The following TRIO variants were observed in gnomAD, a reference collection of about 807,000 sequenced individuals.
TRIO encodes the protein triple functional domain protein.
A neutral mutation model predicts 351.9 loss-of-function variants in TRIO; 58 were observed. The ratio of observed to expected loss-of-function variants is 0.16; its 90% CI spans 0.13 to 0.21. The LOEUF (loss-of-function observed/expected upper bound fraction) is 0.21, where lower values mean the gene tolerates loss of function less well. TRIO is among the 10% of genes least tolerant of loss of function. The pLI is 1.00. For missense variants in TRIO, 3,201 were observed against 4,027.8 expected (o/e 0.79, Z 5.56); for synonymous variants, 1,758 against 1,595.7 (o/e 1.10, Z -2.42).
In TRIO at chr5:14,367,058, G is replaced by T; in HGVS notation, c.2874+79G>T. 1.9e-6 allele frequency: 3 copies of T among 1,578,120 alleles called. No homozygotes were observed. The South Asian group carries it at 3.5e-5, about 18-fold the overall frequency. On this transcript the variant is annotated intron_variant, in intron 16 of 56. Transcript: ENST00000344204. ...ATCCTGAATCCCCCAACATGGCACT[G>T]ACCATGGGAACCACATGGGGCTGGC...
At chr5:14,358,401 TCCC>T (rs1366035969) in intron 12 of TRIO, 54 bp downstream of exon 12, 6 of 1,590,342 alleles carry the variant, frequency 3.8e-6, no homozygotes, top group Non-Finnish European at 5.2e-6. Flanking sequence ...TGCCTGTGAC[TCCC>T]CTTCCCCTTT....
chr5:14,210,967 C>T (rs542700244), intron 1 of TRIO, among the ~76,000 whole-genome samples: 419 of 152,186 alleles, frequency 2.8e-3, no homozygotes, highest in Middle Eastern at 0.017. Context: ...CACTCCTGCC[C>T]TTGTAAGTTT....
Position 14,361,407 on chromosome 5 carries a change from C to A in TRIO, c.2391+1876C>A, listed in dbSNP as rs76954848. Among the ~76,000 whole-genome samples, 839 of 152,284 alleles carry A rather than the reference C, an allele frequency of 5.5e-3. 6 individuals are homozygous for A. The highest frequency in any genetic ancestry group is 0.018 in the African/African-American group (752 of 41,548). ...CTCATCCTGAGCAGAGGAAGCTGTA[C>A]CTGCAGCCCAGTCTCAGGCCAGCTT... On this transcript the variant is annotated intron_variant, in intron 13 of 56. Transcript: ENST00000344204.
chr5:14,183,919 TAAA>T lies in TRIO; in HGVS notation c.157+40041_157+40043del, dbSNP rs1202209464. 9 of 696,456 alleles carry T rather than the reference TAAA, an allele frequency of 1.3e-5. No individual in the cohort carries two copies. The Middle Eastern group carries it at 1.4e-3, about 107-fold the overall frequency. The allele number at this position is 696,456 out of a possible 1,614,324, so 43.1% of individuals were successfully genotyped here. The stretch of plus-strand genomic sequence containing the variant: ...TTTTATTTTCGTGGTAACCGTTTTT[TAAA>T]AAAGATTAATAAATTACCCAAGAGG... On this transcript the variant is annotated intron_variant, in intron 1 of 56. Coordinates refer to ENST00000344204, the MANE Select transcript of TRIO (RefSeq NM_007118.4).
intron 9 of TRIO, among the ~76,000 whole-genome samples, chr5:14,322,213 A>G (rs1243134403): frequency 1.3e-5 from 2 of 152,238 alleles, no homozygotes; most frequent in Non-Finnish European, 2.9e-5. Flanking sequence ...AATTTAAGGA[A>G]TTCCCCAATT....
chr5:14,181,089 AT>A (rs35461923), intron 1 of TRIO, among the ~76,000 whole-genome samples: 2 of 148,982 alleles, frequency 1.3e-5, no homozygotes, highest in Non-Finnish European at 1.5e-5. Flanking sequence ...ACTACAATGT[AT>A]TTTTTTTTGT....
Position 14,169,957 on chromosome 5 carries a change from T to A in TRIO, c.157+26075T>A, listed in dbSNP as rs562313817. Reference sequence around the variant, plus strand: ...TAGTTTTCATAGGCAAAGGAGACAGTCTTTTAGAAAAGTGGTGTTCCAGGT... The same window carrying A: ...TAGTTTTCATAGGCAAAGGAGACAGACTTTTAGAAAAGTGGTGTTCCAGGT... On this transcript the variant is annotated intron_variant, in intron 1 of 56. Transcript: ENST00000344204. Among the ~76,000 whole-genome samples the A allele has an allele frequency of 7.2e-5, 11 of 152,290 alleles. 1 individual carries two copies. The South Asian group carries it at 1.5e-3, about 20-fold the overall frequency.
intron 3 of TRIO, among the ~76,000 whole-genome samples, chr5:14,285,249 C>T (rs1404263106): frequency 6.6e-6 from 1 of 152,138 alleles, no homozygotes; most frequent in Non-Finnish European, 1.5e-5. Context: ...AGAAGTTCAT[C>T]ACATCGTTCC....
At position 14,509,726 on chromosome 5, in the gene TRIO, C is replaced by T; in HGVS notation, c.*1304C>T. ...CGGCTGGTACCCAATGCCCGAGTCA[C>T]TGTGGCAGCATTCGCACTGGTGTGG... On this transcript the variant is annotated 3_prime_UTR_variant, in exon 57 of 57. Transcript: ENST00000344204. The T allele has an allele frequency of 3.2e-6, 1 of 316,484 alleles. No individual in the cohort carries two copies. 19.6% of individuals were successfully genotyped at this position (316,484 alleles called of 1,614,324 possible).
intron 34 of TRIO, among the ~76,000 whole-genome samples, chr5:14,459,501 GTGTGCGAGT>G (rs1163253934): frequency 1.3e-5 from 2 of 152,234 alleles, no homozygotes; most frequent in African/African-American, 2.4e-5. Flanking sequence ...ACGCTCACTG[GTGTGCGAGT>G]TGTACAGTAG....
At chr5:14,436,276 A>G (rs759575951) in intron 34 of TRIO, among the ~76,000 whole-genome samples, 5 of 151,354 alleles carry the variant, frequency 3.3e-5, no homozygotes, top group Non-Finnish European at 5.9e-5. Flanking sequence ...GTGTAGGGGA[A>G]CTCCTCTTTG....
chr5:14,471,216 A>G (rs1444826386), intron 37 of TRIO, 102 bp from the exon 38 acceptor site: 1 of 1,351,538 alleles, frequency 7.4e-7, no homozygotes, highest in African/African-American at 1.5e-5. Context: ...TTTCACAAAT[A>G]CATTTTCTGT....
At chr5:14,366,709 T>C (rs1476476207) in intron 15 of TRIO, 151 bp from the exon 16 acceptor site, 6 of 1,112,166 alleles carry the variant, frequency 5.4e-6, no homozygotes, top group African/African-American at 1.6e-5. Flanking sequence ...AACATCAGGC[T>C]GTTGCCTGGA....
intron 55 of TRIO, among the ~76,000 whole-genome samples, chr5:14,506,729 G>A (rs1314843252): frequency 2.0e-5 from 3 of 151,666 alleles, no homozygotes; most frequent in African/African-American, 2.4e-5. Flanking sequence ...GAGTCTTCCC[G>A]TGGCCCATTC....
chr5:14,307,686 A>G (rs575294418), intron 8 of TRIO, among the ~76,000 whole-genome samples: 1 of 152,248 alleles, frequency 6.6e-6, no homozygotes, highest in East Asian at 1.9e-4. Flanking sequence ...TTTGCTGCAC[A>G]TTTTGTGGGC....
intron 4 of TRIO, among the ~76,000 whole-genome samples, chr5:14,288,589 C>A (rs1409639547): frequency 6.6e-6 from 1 of 151,868 alleles, no homozygotes; most frequent in African/African-American, 2.4e-5. Context: ...ATGGCGTGAA[C>A]CTGGGAGGCA....
chr5:14,405,671 C>T (rs1438392334), intron 31 of TRIO, among the ~76,000 whole-genome samples, 177 bp from the exon 32 acceptor site: 4 of 152,030 alleles, frequency 2.6e-5, no homozygotes, highest in African/African-American at 7.3e-5. Flanking sequence ...TTGATGAAAA[C>T]GTATTTTTAA....
At chr5:14,184,626 A>G (rs1371733232) in intron 1 of TRIO, among the ~76,000 whole-genome samples, 1 of 152,202 alleles carries the variant, frequency 6.6e-6, no homozygotes, top group Non-Finnish European at 1.5e-5. Flanking sequence ...TTCTTAGAGG[A>G]AAGAGCGCAT....
chr5:14,421,026 T>C (rs1320604444), intron 34 of TRIO, among the ~76,000 whole-genome samples: 1 of 152,042 alleles, frequency 6.6e-6, no homozygotes, highest in Non-Finnish European at 1.5e-5. Context: ...CGTTGTACCA[T>C]TTTGTTTTTC....
Sources: allele counts gnomAD v4.1 joint callset (sites outside exome capture counted in the v4.1 genomes callset), GRCh38; gene constraint gnomAD v4.1.1; transcripts MANE v1.5; gene names NCBI Gene and HGNC (gene_info 2026-07-23, HGNC 2026-07-21).